ERBB4: variants seen among roughly 807,000 people sequenced by gnomAD.
ERBB4 encodes erb-b2 receptor tyrosine kinase 4.
ERBB4 carries 42 observed loss-of-function variants against 158.0 expected under a neutral mutation model. The observed-to-expected ratio is 0.27, with a 90% CI of 0.21 to 0.34. The LOEUF (loss-of-function observed/expected upper bound fraction) is 0.34, where lower values mean the gene tolerates loss of function less well. ERBB4 is among the 10% of genes least tolerant of loss of function. ERBB4 has a pLI of 1.00. For missense variants in ERBB4, 1,333 were observed against 1,624.1 expected (o/e 0.82, Z 3.08); for synonymous variants, 583 against 558.7 (o/e 1.04, Z -0.61).
chr2:212,300,010 C>T (rs78028329), intron 1 of ERBB4, among the ~76,000 whole-genome samples: 2,044 of 151,562 alleles, frequency 0.013, 48 homozygotes, highest in African/African-American at 0.046. Flanking sequence ...ATTTTCATTT[C>T]CCCCTCCCTT....
chr2:212,345,683 C>G (rs1450059205), intron 1 of ERBB4, among the ~76,000 whole-genome samples: 1 of 152,024 alleles, frequency 6.6e-6, no homozygotes, highest in Non-Finnish European at 1.5e-5. Context: ...AAATGATATA[C>G]TAAAATCACA....
intron 2 of ERBB4, among the ~76,000 whole-genome samples, chr2:212,038,822 C>G (rs1018358113): frequency 6.6e-6 from 1 of 152,008 alleles, no homozygotes; most frequent in Non-Finnish European, 1.5e-5. Context: ...AAGGAAATGC[C>G]TTTTCTTAAA....
intron 3 of ERBB4, among the ~76,000 whole-genome samples, chr2:211,834,141 G>A (rs753473888): frequency 1.9e-4 from 29 of 152,212 alleles, no homozygotes; most frequent in Non-Finnish European, 3.7e-4. Flanking sequence ...TACGACAAAG[G>A]AGTAGTATAA....
intron 2 of ERBB4, among the ~76,000 whole-genome samples, chr2:211,989,944 C>T (rs2082030241): frequency 6.6e-6 from 1 of 151,858 alleles, no homozygotes; most frequent in South Asian, 2.1e-4. Flanking sequence ...CCTTAGCTTG[C>T]ATTCACTACC....
intron 1 of ERBB4, among the ~76,000 whole-genome samples, chr2:212,331,058 G>GTATATATATATATATATACACGTA: frequency 1.8e-5 from 1 of 56,268 alleles, no homozygotes; most frequent in Non-Finnish European, 4.8e-5. Context: ...TTTGTAATTT[G>GTATATATATATATATATACACGTA]TATATATATA....
intron 1 of ERBB4, among the ~76,000 whole-genome samples, chr2:212,395,516 A>G (rs938381614): frequency 7.3e-5 from 11 of 151,574 alleles, no homozygotes; most frequent in African/African-American, 1.9e-4. Context: ...AATTAAGCCT[A>G]TGCTAAGGAA....
chr2:211,609,537 C>T (rs970738562), intron 19 of ERBB4, among the ~76,000 whole-genome samples: 11 of 152,098 alleles, frequency 7.2e-5, no homozygotes, highest in African/African-American at 2.2e-4. Flanking sequence ...ATTTTAAAGT[C>T]TTTTAATTAG....
At chr2:212,504,968 T>C (rs1691107341) in intron 1 of ERBB4, among the ~76,000 whole-genome samples, 1 of 152,232 alleles carries the variant, frequency 6.6e-6, no homozygotes, top group African/African-American at 2.4e-5. Context: ...ATTTTTGTAA[T>C]TATAACTAAA....
At chr2:212,394,718 T>C (rs924131334) in intron 1 of ERBB4, among the ~76,000 whole-genome samples, 4 of 152,134 alleles carry the variant, frequency 2.6e-5, no homozygotes, top group African/African-American at 9.7e-5. Context: ...ATTCAAGCAC[T>C]AGAAAATTTA....
At chr2:211,612,416 A>C (rs1574856659) in intron 19 of ERBB4, among the ~76,000 whole-genome samples, 1 of 151,818 alleles carries the variant, frequency 6.6e-6, no homozygotes, top group East Asian at 1.9e-4. Flanking sequence ...AAATAATATT[A>C]ATATATAATA....
In ERBB4 at chr2:212,451,994, C is replaced by T. The variant is rs148767515; in HGVS notation, c.82+86455G>A. ...GGCACCTCTTTCCTACATTGCATGG[C>T]TTGTGAGTGTGCAGGTTTTTTTTTT... is the stretch of plus-strand genomic sequence containing the variant. On this transcript the variant is annotated intron_variant, in intron 1 of 27. Coordinates refer to ENST00000342788, the MANE Select transcript of ERBB4 (RefSeq NM_005235.3). Among the ~76,000 whole-genome samples the T allele has an allele frequency of 4.7e-5, 7 of 149,700 alleles. No homozygotes were observed. In the East Asian group the frequency reaches 1.4e-3, roughly 29 times the overall value.
chr2:212,241,269 A>C, intron 1 of ERBB4, among the ~76,000 whole-genome samples: 1 of 150,760 alleles, frequency 6.6e-6, no homozygotes, highest in South Asian at 2.1e-4. Context: ...AAATAAAAAA[A>C]TAAAAAAATA....
chr2:212,437,940 TCA>T (rs2092173356), intron 1 of ERBB4, among the ~76,000 whole-genome samples: 1 of 152,100 alleles, frequency 6.6e-6, no homozygotes, highest in South Asian at 2.1e-4. Context: ...CTCTGGTTCC[TCA>T]CAGTACCTAC....
intron 1 of ERBB4, among the ~76,000 whole-genome samples, chr2:212,185,249 T>C (rs1281969384): frequency 6.6e-6 from 1 of 151,904 alleles, no homozygotes; most frequent in Non-Finnish European, 1.5e-5. Context: ...CTCAAACTCC[T>C]GGCCTCAATT....
At chr2:212,446,466 G>A (rs1394037813) in intron 1 of ERBB4, among the ~76,000 whole-genome samples, 6 of 149,180 alleles carry the variant, frequency 4.0e-5, no homozygotes, top group South Asian at 2.1e-4. Flanking sequence ...CTCAGACATC[G>A]AACTCCACGT....
chr2:211,625,331 T>TG (rs1403866585), intron 17 of ERBB4, among the ~76,000 whole-genome samples: 6 of 152,186 alleles, frequency 3.9e-5, no homozygotes, highest in African/African-American at 1.2e-4. Flanking sequence ...TCTCCAAAGC[T>TG]AAGTGCACTG....
At chr2:211,950,411 T>C (rs956635231) in intron 2 of ERBB4, among the ~76,000 whole-genome samples, 2 of 152,142 alleles carry the variant, frequency 1.3e-5, no homozygotes, top group East Asian at 3.9e-4. Flanking sequence ...TGCCAACATA[T>C]TCCTGAGGAC....
chr2:212,123,429 A>G (rs1397432359), intron 2 of ERBB4, among the ~76,000 whole-genome samples: 1 of 152,158 alleles, frequency 6.6e-6, no homozygotes, highest in Non-Finnish European at 1.5e-5. Flanking sequence ...CAAAACAAAG[A>G]AAAAACAAAA....
At chr2:212,027,654 G>A (rs930245276) in intron 2 of ERBB4, among the ~76,000 whole-genome samples, 3 of 39,222 alleles carry the variant, frequency 7.6e-5, no homozygotes, top group African/African-American at 1.2e-4. Context: ...TTCCATTTAA[G>A]CAGTTGGCCT....
Sources: allele counts gnomAD v4.1 joint callset (sites outside exome capture counted in the v4.1 genomes callset), GRCh38; gene constraint gnomAD v4.1.1; transcripts MANE v1.5; gene names NCBI Gene and HGNC (gene_info 2026-07-23, HGNC 2026-07-21).